The following POLR1C variants were observed in gnomAD, a reference collection of about 807,000 sequenced individuals.
The protein encoded by POLR1C is DNA-directed RNA polymerases I and III subunit RPAC1.
In POLR1C, 42 loss-of-function variants were observed where a neutral mutation model predicts 38.3. The ratio of observed to expected loss-of-function variants is 1.10; its 90% CI spans 0.86 to 1.42. POLR1C has a LOEUF of 1.42. POLR1C is among the 40% of genes most tolerant of loss of function. POLR1C has a pLI of 0.00. For missense variants in POLR1C, 507 were observed against 450.5 expected (o/e 1.13, Z -1.14); for synonymous variants, 163 against 163.9 (o/e 0.99, Z 0.04).
chr6:43,523,691 G>A, downstream of POLR1C: 2 of 962,576 alleles, frequency 2.1e-6, no homozygotes, highest in Non-Finnish European at 3.4e-6. Flanking sequence ...TGATACTTTA[G>A]TATAATTACT....
At chr6:43,524,278 G>C (rs1482511089), downstream of POLR1C, among the ~76,000 whole-genome samples, 1 of 151,874 alleles carries the variant, frequency 6.6e-6, no homozygotes, top group Non-Finnish European at 1.5e-5. Context: ...TTTGAACCTG[G>C]GAGGCGGAGG....
At position 43,539,463 on chromosome 6, in the gene POLR1C, T is replaced by A. The variant is rs371925246; in HGVS notation, c.*4+10104T>A. Reference sequence around the variant, plus strand: ...TTAATGGGCAGGGAGAAGAGATAGATCTCCTCCAGGGACTTGATCTTCATG... The same window carrying A: ...TTAATGGGCAGGGAGAAGAGATAGAACTCCTCCAGGGACTTGATCTTCATG... On this transcript the variant is annotated intron_variant, in intron 9 of 10. Coordinates refer to the POLR1C transcript ENST00000607635. 2,068 of 1,575,954 alleles carry A rather than the reference T, an allele frequency of 1.3e-3. 18 individuals carry two copies. The African/African-American group carries it at 0.022, about 17-fold the overall frequency.
intron 9 of POLR1C, chr6:43,539,626 G>A: frequency 1.5e-6 from 2 of 1,356,562 alleles, no homozygotes; most frequent in African/African-American, 1.4e-5. Context: ...CGAAACCTCT[G>A]CGGAAGCCAC....
At chr6:43,549,715 T>A (rs1048405476) in intron 9 of POLR1C, 30 of 1,226,484 alleles carry the variant, frequency 2.4e-5, no homozygotes, top group Non-Finnish European at 3.1e-5. Flanking sequence ...TGGAGTAACA[T>A]TTATAGCCAC....
downstream of POLR1C, chr6:43,525,401 T>C (rs1164323794): frequency 1.7e-6 from 1 of 601,816 alleles, no homozygotes; most frequent in East Asian, 2.8e-5. Context: ...GCCTCCCGAA[T>C]AGCTGGGACT....
intron 10 of POLR1C, among the ~76,000 whole-genome samples, chr6:43,557,296 C>T (rs186753183): frequency 1.3e-5 from 2 of 151,444 alleles, no homozygotes; most frequent in African/African-American, 2.4e-5. Context: ...TATGATGGCA[C>T]GTGTGTGTAG....
intron 9 of POLR1C, chr6:43,547,762 T>G (rs1252693118): frequency 6.9e-5 from 104 of 1,516,746 alleles, no homozygotes; most frequent in Non-Finnish European, 8.8e-5. Context: ...CAAGGACAGT[T>G]TCTTCCACAG....
chr6:43,532,838 T>C (rs572099897), downstream of POLR1C, among the ~76,000 whole-genome samples: 1 of 152,338 alleles, frequency 6.6e-6, no homozygotes, highest in African/African-American at 2.4e-5. Flanking sequence ...ATTAAAGCAG[T>C]ATCCTAACAA....
chr6:43,533,851 G>A (rs1463269362), downstream of POLR1C: 3 of 1,328,974 alleles, frequency 2.3e-6, no homozygotes, highest in African/African-American at 3.0e-5. Flanking sequence ...ACAAAAAAAG[G>A]GGACATCCAT....
intron 10 of POLR1C, chr6:43,560,416 T>C (rs1762358033): frequency 7.6e-7 from 1 of 1,319,804 alleles, no homozygotes; most frequent in African/African-American, 1.5e-5. Flanking sequence ...GTACAATACT[T>C]TGAAGCTGTC....
chr6:43,535,917 G>A (rs1794291753), intron 9 of POLR1C, among the ~76,000 whole-genome samples: 1 of 151,950 alleles, frequency 6.6e-6, no homozygotes, highest in Non-Finnish European at 1.5e-5. Flanking sequence ...GAGGCCAGGA[G>A]ATCAAGACCA....
intron 8 of POLR1C, chr6:43,526,710 A>G (rs1174509146): frequency 6.2e-7 from 1 of 1,613,974 alleles, no homozygotes; most frequent in Admixed American, 1.7e-5. Flanking sequence ...GGGGAGCACT[A>G]CTGTGGTCAG....
chr6:43,557,211 G>A (rs1475560235), intron 10 of POLR1C, among the ~76,000 whole-genome samples: 2 of 151,098 alleles, frequency 1.3e-5, no homozygotes, highest in African/African-American at 4.9e-5. Context: ...TGGATCACGA[G>A]GTCAGGAGAT....
At chr6:43,550,718 TCAAA>T (rs1201199097) in intron 9 of POLR1C, among the ~76,000 whole-genome samples, 2 of 152,248 alleles carry the variant, frequency 1.3e-5, no homozygotes, top group African/African-American at 4.8e-5. Context: ...TACATATTCT[TCAAA>T]CACAGTATTC....
At chr6:43,554,552 G>A (rs980711764) in intron 10 of POLR1C, among the ~76,000 whole-genome samples, 3 of 151,712 alleles carry the variant, frequency 2.0e-5, no homozygotes, top group Admixed American at 6.6e-5. Context: ...AGCCTCCTGA[G>A]TAGCTAGGAT....
chr6:43,525,587 A>G, downstream of POLR1C: 1 of 532,898 alleles, frequency 1.9e-6, no homozygotes, highest in South Asian at 2.7e-5. Flanking sequence ...TGGCTTGGGG[A>G]GGCTAAACAC....
downstream of POLR1C, among the ~76,000 whole-genome samples, chr6:43,531,081 G>A (rs1329369412): frequency 6.6e-6 from 1 of 152,140 alleles, no homozygotes; most frequent in South Asian, 2.1e-4. Flanking sequence ...TTAGTGTAGT[G>A]GTTAGTGAGG....
At chr6:43,526,103 T>C, downstream of POLR1C, 1 of 608,244 alleles carries the variant, frequency 1.6e-6, no homozygotes, top group Non-Finnish European at 2.9e-6. Context: ...CTTCTAGAGA[T>C]GCACTCAAGC....
chr6:43,539,829 T>C, intron 9 of POLR1C: 1 of 524,930 alleles, frequency 1.9e-6, no homozygotes, highest in Non-Finnish European at 3.3e-6. Flanking sequence ...GCCTGGAGTT[T>C]TTTGGTCTAA....
Sources: allele counts gnomAD v4.1 joint callset (sites outside exome capture counted in the v4.1 genomes callset), GRCh38; gene constraint gnomAD v4.1.1; transcripts MANE v1.5; gene names NCBI Gene and HGNC (gene_info 2026-07-23, HGNC 2026-07-21).